The following GLIS3 variants were observed in gnomAD, a reference collection of about 807,000 sequenced individuals.
GLIS3 encodes GLIS family zinc finger 3, also known as zinc finger protein GLIS3.
In GLIS3, 53 loss-of-function variants were observed where a neutral mutation model predicts 78.6. The observed-to-expected ratio is 0.67, with a 90% CI of 0.54 to 0.85. The LOEUF (loss-of-function observed/expected upper bound fraction) is 0.85. Ranked by LOEUF, GLIS3 falls within the 40% of genes least tolerant of loss-of-function variation. GLIS3 has a pLI of 0.00. For synonymous variants in GLIS3, 684 were observed against 509.9 expected, an observed-to-expected ratio of 1.34 and a Z score of -4.60; for missense variants, 1,703 against 1,231.1, an observed-to-expected ratio of 1.38 and a Z score of -5.74.
chr9:3,842,260 T>C (rs897484437), intron 9 of GLIS3, among the ~76,000 whole-genome samples: 3 of 152,002 alleles, frequency 2.0e-5, no homozygotes, highest in African/African-American at 7.2e-5. Flanking sequence ...GATCACGAGG[T>C]CATGAGTTTG....
intron 2 of GLIS3, among the ~76,000 whole-genome samples, chr9:4,232,469 T>G (rs963922377): frequency 6.6e-6 from 1 of 151,598 alleles, no homozygotes; most frequent in African/African-American, 2.4e-5. Context: ...ACACTTCAAG[T>G]TCCTATGTTT....
chr9:4,068,013 G>A (rs901024507), intron 4 of GLIS3, among the ~76,000 whole-genome samples: 1 of 152,030 alleles, frequency 6.6e-6, no homozygotes, highest in African/African-American at 2.4e-5. Flanking sequence ...AGAGCATTAT[G>A]CTATGTATCT....
upstream of GLIS3, among the ~76,000 whole-genome samples, chr9:4,303,945 C>G (rs1440842567): frequency 6.6e-6 from 1 of 152,206 alleles, no homozygotes; most frequent in African/African-American, 2.4e-5. Context: ...AATTAATTAT[C>G]TAATCACAAT....
chr9:4,004,668 A>G (rs1281881940), intron 4 of GLIS3, among the ~76,000 whole-genome samples: 4 of 152,218 alleles, frequency 2.6e-5, no homozygotes, highest in Admixed American at 6.5e-5. Flanking sequence ...AGGGGATACA[A>G]TGGAAATGGG....
rs547497006 is a variant in GLIS3, at chr9:4,289,035, T to C, written c.-98-2512A>G. On this transcript the variant is annotated intron_variant, in intron 1 of 10. Coordinates refer to ENST00000381971, the MANE Select transcript of GLIS3 (RefSeq NM_001042413.2). ...TTTTAGCTAGGCCATATGATGAAGA[T>C]ATAATCCTAAGTCTCCTTGGTAACA... 2.6e-5 allele frequency among the ~76,000 whole-genome samples: 4 copies of C among 152,278 alleles called. No homozygotes were observed. In the South Asian group the frequency reaches 8.3e-4, roughly 32 times the overall value.
the GLIS3 span, chr9:4,386,659 A>G: frequency 6.6e-6 from 1 of 152,170 alleles, no homozygotes; most frequent in African/African-American, 2.4e-5. Flanking sequence ...TGGGAGTTGA[A>G]ATACCCCCTA....
chr9:4,030,355 T>C (rs1404602173), intron 4 of GLIS3, among the ~76,000 whole-genome samples: 2 of 152,244 alleles, frequency 1.3e-5, no homozygotes, highest in African/African-American at 2.4e-5. Context: ...TAATCCCTTG[T>C]CAAATGGGTA....
At position 4,286,494 on chromosome 9, in the gene GLIS3, A is replaced by T; in HGVS notation, c.-69T>A. 6.3e-7 allele frequency: 1 copy of T among 1,579,468 alleles called. No homozygotes were observed. Among genetic ancestry groups the T allele is most frequent in the Non-Finnish European group, 8.6e-7 (1 of 1,156,092 alleles). The stretch of plus-strand genomic sequence containing the variant: ...TAATGACTCCTTTCAGGCAAAGTCC[A>T]ATAAGTTATCCATGGTGTGGGTTAT... On this transcript the variant is annotated 5_prime_UTR_variant, in exon 2 of 11. The change creates a premature stop within an existing upstream ORF in the 5' untranslated region. Coordinates refer to ENST00000381971, the MANE Select transcript of GLIS3 (RefSeq NM_001042413.2).
intron 4 of GLIS3, among the ~76,000 whole-genome samples, chr9:4,110,907 T>G (rs1831160040): frequency 6.6e-6 from 1 of 152,208 alleles, no homozygotes; most frequent in Admixed American, 6.5e-5. Context: ...GAAAAATAAA[T>G]GTGTTTGGTC....
At position 4,278,678 on chromosome 9, in the gene GLIS3, A is replaced by G. The variant is rs796657403; in HGVS notation, c.388+7360T>C. On this transcript the variant is annotated intron_variant, in intron 2 of 10. Transcript: ENST00000381971. ...ATCACCACTATGCAACCAACCATGT[A>G]AAAACTGATTCTGACAAGTATCATC... Among the ~76,000 whole-genome samples the G allele has an allele frequency of 3.9e-5, 6 of 152,382 alleles. No individual in the cohort carries two copies. The South Asian group carries it at 1.2e-3, about 32-fold the overall frequency.
intron 2 of GLIS3, among the ~76,000 whole-genome samples, chr9:4,254,463 A>G (rs1824716804): frequency 6.6e-6 from 1 of 152,238 alleles, no homozygotes; most frequent in African/African-American, 2.4e-5. Flanking sequence ...TCCTGACAGT[A>G]AATACTGCCT....
chr9:4,364,756 C>CTTTTTTTTTTTTTTTTTTTTTTTT, the GLIS3 span, among the ~76,000 whole-genome samples: 1 of 61,080 alleles, frequency 1.6e-5, no homozygotes, highest in African/African-American at 6.0e-5. Flanking sequence ...TCATGTATTG[C>CTTTTTTTTTTTTTTTTTTTTTTTT]TTTTTTTTTT....
At chr9:4,012,597 T>G (rs942395323) in intron 4 of GLIS3, among the ~76,000 whole-genome samples, 2 of 152,114 alleles carry the variant, frequency 1.3e-5, no homozygotes, top group Non-Finnish European at 2.9e-5. Flanking sequence ...TGGACTAGTG[T>G]GTAAAAACAT....
At chr9:4,200,229 C>T (rs1253032461) in intron 2 of GLIS3, among the ~76,000 whole-genome samples, 2 of 151,882 alleles carry the variant, frequency 1.3e-5, no homozygotes, top group Admixed American at 1.3e-4. Flanking sequence ...ATGAACTAAC[C>T]TCAAACCTAG....
At chr9:4,163,061 T>G (rs540904862) in intron 2 of GLIS3, among the ~76,000 whole-genome samples, 23 of 152,278 alleles carry the variant, frequency 1.5e-4, no homozygotes, top group Admixed American at 3.9e-4. Context: ...CTGGGCATCA[T>G]GCTAGGGACT....
the GLIS3 span, among the ~76,000 whole-genome samples, chr9:4,392,670 G>C: frequency 6.6e-6 from 1 of 152,114 alleles, no homozygotes. Context: ...AGCTTTTGAA[G>C]TATTAAAACT....
the GLIS3 span, among the ~76,000 whole-genome samples, chr9:4,444,271 A>G: frequency 2.6e-5 from 4 of 152,248 alleles, no homozygotes; most frequent in East Asian, 7.7e-4. Flanking sequence ...GAACAGCATA[A>G]TAATTACTAC....
At chr9:4,366,016 C>T in the GLIS3 span, among the ~76,000 whole-genome samples, 1 of 152,108 alleles carries the variant, frequency 6.6e-6, no homozygotes, top group Non-Finnish European at 1.5e-5. Flanking sequence ...GGAGAGCTAG[C>T]AGGGAAGGAA....
intron 4 of GLIS3, among the ~76,000 whole-genome samples, chr9:3,951,882 A>ACACACACG (rs756794557): frequency 0.012 from 1,832 of 147,254 alleles, 27 homozygotes; most frequent in Non-Finnish European, 0.016. Context: ...ACACACACAC[A>ACACACACG]CACGCACGCA....
Sources: gnomAD v4.1 joint callset for allele counts (sites outside exome capture counted in the v4.1 genomes callset) on GRCh38, gnomAD v4.1.1 for gene constraint, MANE v1.5 for transcripts, NCBI Gene and HGNC (gene_info 2026-07-23, HGNC 2026-07-21) for gene names.